The following SPRED1 variants were observed in gnomAD, a reference collection of about 807,000 sequenced individuals.
The protein encoded by SPRED1 is sprouty related EVH1 domain containing 1.
Under a neutral mutation model 52.3 loss-of-function variants are expected in SPRED1, and 18 were observed. The ratio of observed to expected loss-of-function variants is 0.34; its 90% CI spans 0.24 to 0.51. The LOEUF (loss-of-function observed/expected upper bound fraction) is 0.51, where lower values mean the gene tolerates loss of function less well. SPRED1 is among the 20% of genes least tolerant of loss of function. The pLI is 0.97. For synonymous variants in SPRED1, 155 were observed against 179.7 expected (o/e 0.86, Z 1.10); for missense variants, 485 against 551.0 (o/e 0.88, Z 1.20).
intron 1 of SPRED1, among the ~76,000 whole-genome samples, chr15:38,276,457 T>C (rs1894556431): frequency 6.6e-6 from 1 of 152,184 alleles, no homozygotes; most frequent in South Asian, 2.1e-4. Context: ...TGTTTCATAA[T>C]TGTAACATTA....
intron 2 of SPRED1, among the ~76,000 whole-genome samples, chr15:38,308,534 C>T (rs1316177309): frequency 6.6e-6 from 1 of 152,184 alleles, no homozygotes; most frequent in Non-Finnish European, 1.5e-5. Context: ...CTATTTTGTT[C>T]TCTCAATTAT....
At chr15:38,310,585 A>G (rs1301207074) in intron 2 of SPRED1, among the ~76,000 whole-genome samples, 1 of 152,138 alleles carries the variant, frequency 6.6e-6, no homozygotes, top group Non-Finnish European at 1.5e-5. Flanking sequence ...TCATAAATAC[A>G]CTGTGTCTCT....
At chr15:38,302,762 A>T (rs1316570122) in intron 2 of SPRED1, among the ~76,000 whole-genome samples, 1 of 152,194 alleles carries the variant, frequency 6.6e-6, no homozygotes, top group Non-Finnish European at 1.5e-5. Context: ...TGAGAAAGAA[A>T]GAATTTGAAA....
At chr15:38,294,188 A>G (rs1894984342) in intron 1 of SPRED1, among the ~76,000 whole-genome samples, 1 of 152,180 alleles carries the variant, frequency 6.6e-6, no homozygotes, top group African/African-American at 2.4e-5. Flanking sequence ...TAGTCTCTGT[A>G]ATAATGTTTA....
chr15:38,299,496 G>C lies in SPRED1; in HGVS notation c.156G>C (p.Glu52Asp). 1.1e-5 allele frequency: 17 copies of C among 1,614,046 alleles called. No homozygotes were observed. The highest frequency in any genetic ancestry group is 1.4e-5 in the Non-Finnish European group (17 of 1,179,932). The part of the protein sequence containing the change: ...VTVFKVPHQE[E>D]NGCADFFIRG... ...TCTTCAAAGTCCCTCATCAGGAAGA[G>C]AATGGCTGTGCTGACTTTTTTATCC... The change falls in exon 2 of 7, where the codon GAG (glutamate) becomes GAC (aspartate). Residue 52 changes from glutamate to aspartate, a missense_variant. Glu to Asp is a conservative substitution (Grantham distance 45). This residue lies in a region of SPRED1 where 232 missense variants were observed against 231.8 expected (regional missense o/e 1.00). Coordinates refer to ENST00000299084, the MANE Select transcript of SPRED1 (RefSeq NM_152594.3).
intron 5 of SPRED1, among the ~76,000 whole-genome samples, chr15:38,345,729 T>C (rs1412148534): frequency 6.6e-6 from 1 of 152,190 alleles, no homozygotes; most frequent in East Asian, 1.9e-4. Context: ...GTCAAGTCTT[T>C]TGTAATGACT....
At chr15:38,348,740 A>G (rs1280707361) in intron 5 of SPRED1, among the ~76,000 whole-genome samples, 4 of 152,108 alleles carry the variant, frequency 2.6e-5, no homozygotes, top group Non-Finnish European at 1.5e-5. Flanking sequence ...GATTCATAAC[A>G]TTATTCTCTC....
intron 1 of SPRED1, among the ~76,000 whole-genome samples, chr15:38,289,758 A>G (rs1247928371): frequency 1.3e-5 from 2 of 152,168 alleles, no homozygotes; most frequent in Non-Finnish European, 2.9e-5. Flanking sequence ...GAACTGGAAA[A>G]GGCAAGGGAA....
intron 1 of SPRED1, among the ~76,000 whole-genome samples, chr15:38,275,129 C>T (rs141836801): frequency 1.3e-5 from 2 of 152,214 alleles, no homozygotes; most frequent in African/African-American, 4.8e-5. Flanking sequence ...TTTCTACTTC[C>T]GTCATTCCTT....
chr15:38,253,121 G>GCTGCTGTTGCTCCCCCGC lies in SPRED1; in HGVS notation c.-51_-34dup. 2 of 1,482,516 alleles carry GCTGCTGTTGCTCCCCCGC rather than the reference G, an allele frequency of 1.3e-6. No homozygotes were observed. Among genetic ancestry groups the GCTGCTGTTGCTCCCCCGC allele is most frequent in the Non-Finnish European group, 1.8e-6 (2 of 1,084,440 alleles). The allele number at this position is 1,482,516 out of a possible 1,614,324, so 91.8% of individuals were successfully genotyped here. On this transcript the variant is annotated 5_prime_UTR_variant, in exon 1 of 7. Coordinates refer to ENST00000299084, the MANE Select transcript of SPRED1 (RefSeq NM_152594.3). ...CCGCCGCTGCCTCCTGCCCCTCGGT[G>GCTGCTGTTGCTCCCCCGC]CTGCTGTTGCTCCCCCGCCTGCTGT...
chr15:38,264,168 A>G (rs769082283), intron 1 of SPRED1, among the ~76,000 whole-genome samples: 7 of 152,236 alleles, frequency 4.6e-5, no homozygotes, highest in Non-Finnish European at 8.8e-5. Context: ...TCTAAAGATC[A>G]TGTGAGCTAA....
intron 1 of SPRED1, among the ~76,000 whole-genome samples, chr15:38,280,777 T>C (rs1007588529): frequency 6.6e-6 from 1 of 152,316 alleles, no homozygotes; most frequent in Non-Finnish European, 1.5e-5. Context: ...AACTTAAAAA[T>C]AACTACTTGT....
intron 5 of SPRED1, among the ~76,000 whole-genome samples, chr15:38,341,928 C>T (rs1896038102): frequency 6.7e-6 from 1 of 150,168 alleles, no homozygotes; most frequent in African/African-American, 2.4e-5. Context: ...TATCTGATTA[C>T]TTCAGTTTTC....
At chr15:38,267,432 A>C (rs1249554878) in intron 1 of SPRED1, among the ~76,000 whole-genome samples, 1 of 152,188 alleles carries the variant, frequency 6.6e-6, no homozygotes. Context: ...AAGTGTGTCA[A>C]AGAGTACAAG....
intron 1 of SPRED1, among the ~76,000 whole-genome samples, chr15:38,273,082 G>C (rs1566850564): frequency 6.6e-6 from 1 of 152,154 alleles, no homozygotes; most frequent in Non-Finnish European, 1.5e-5. Context: ...GGAGGACTTA[G>C]TCGTAAATTC....
At chr15:38,300,045 C>A (rs1211678700) in intron 2 of SPRED1, among the ~76,000 whole-genome samples, 1 of 152,078 alleles carries the variant, frequency 6.6e-6, no homozygotes, top group Non-Finnish European at 1.5e-5. Flanking sequence ...TCGAACATAG[C>A]CAAGGTGATT....
chr15:38,320,903 T>G (rs1322954409), intron 2 of SPRED1, among the ~76,000 whole-genome samples: 1 of 152,182 alleles, frequency 6.6e-6, no homozygotes, highest in Non-Finnish European at 1.5e-5. Context: ...AACGAAAGAC[T>G]GAAGAGACCT....
At chr15:38,344,211 GGAGA>G (rs1057288003) in intron 5 of SPRED1, among the ~76,000 whole-genome samples, 32 of 152,214 alleles carry the variant, frequency 2.1e-4, no homozygotes, top group Middle Eastern at 6.8e-3. Context: ...TCTCAACATA[GGAGA>G]GAGTGGAAGT....
At chr15:38,290,646 G>A (rs1462886048) in intron 1 of SPRED1, among the ~76,000 whole-genome samples, 2 of 152,090 alleles carry the variant, frequency 1.3e-5, no homozygotes, top group Non-Finnish European at 2.9e-5. Context: ...GGCGGGAGGC[G>A]AAAGGCATTT....
Sources: gnomAD v4.1 joint callset for allele counts (sites outside exome capture counted in the v4.1 genomes callset) on GRCh38, gnomAD v4.1.1 for gene constraint, gnomAD v4.1.1 regional missense constraint, MANE v1.5 for transcripts, NCBI Gene and HGNC (gene_info 2026-07-23, HGNC 2026-07-21) for gene names.